KIAA1217: variants seen among roughly 807,000 people sequenced by gnomAD.
The protein encoded by KIAA1217 is KIAA1217.
KIAA1217 carries 88 observed loss-of-function variants against 163.9 expected under a neutral mutation model. The observed-to-expected ratio is 0.54, with a 90% CI of 0.45 to 0.64. The LOEUF (loss-of-function observed/expected upper bound fraction) is 0.64. Ranked by LOEUF, KIAA1217 falls within the 30% of genes least tolerant of loss-of-function variation. The probability of loss-of-function intolerance (pLI) is 0.00; values close to 1 mark genes in which losing one functional copy is unlikely to be tolerated. For synonymous variants in KIAA1217, 903 were observed against 923.1 expected (o/e 0.98, Z 0.39); for missense variants, 2,372 against 2,475.0 (o/e 0.96, Z 0.88).
At chr10:24,101,363 TTTAAATAA>T (rs1164649357) in intron 2 of KIAA1217, among the ~76,000 whole-genome samples, 1 of 152,022 alleles carries the variant, frequency 6.6e-6, no homozygotes, top group East Asian at 1.9e-4. Flanking sequence ...GTCTAAGACA[TTTAAATAA>T]TGTAAAAAAA....
At chr10:23,707,521 G>A (rs1349318238) in intron 1 of KIAA1217, among the ~76,000 whole-genome samples, 1 of 152,256 alleles carries the variant, frequency 6.6e-6, no homozygotes, top group East Asian at 1.9e-4. Context: ...ACACTTATAA[G>A]TGGGAGCGAA....
intron 2 of KIAA1217, among the ~76,000 whole-genome samples, chr10:24,301,276 T>C (rs1191205724): frequency 6.6e-6 from 1 of 152,178 alleles, no homozygotes. Context: ...CATTTCATTA[T>C]GCCATAAATA....
At chr10:23,750,533 T>C (rs963134470) in intron 1 of KIAA1217, among the ~76,000 whole-genome samples, 14 of 152,204 alleles carry the variant, frequency 9.2e-5, no homozygotes, top group African/African-American at 2.9e-4. Flanking sequence ...TGTTCTCACA[T>C]GCACAGTCCT....
chr10:23,895,786 T>A (rs1471590196), intron 1 of KIAA1217, among the ~76,000 whole-genome samples: 1 of 151,862 alleles, frequency 6.6e-6, no homozygotes, highest in Admixed American at 6.6e-5. Flanking sequence ...ATGTGGCACA[T>A]ATACACCATG....
chr10:24,527,255 T>C (rs75971782), intron 13 of KIAA1217, among the ~76,000 whole-genome samples: 8,437 of 151,730 alleles, frequency 0.056, 323 homozygotes, highest in Middle Eastern at 0.13. Flanking sequence ...CTTAGTGTTG[T>C]GGGTTTTGTT....
At chr10:24,372,578 A>G (rs59018188) in intron 2 of KIAA1217, among the ~76,000 whole-genome samples, 2 of 152,158 alleles carry the variant, frequency 1.3e-5, no homozygotes, top group Admixed American at 6.5e-5. Context: ...TGTACCCCAG[A>G]CCTCAGCATT....
At chr10:24,417,713 G>A (rs1408934425) in intron 3 of KIAA1217, among the ~76,000 whole-genome samples, 2 of 152,086 alleles carry the variant, frequency 1.3e-5, no homozygotes, top group Admixed American at 1.3e-4. Context: ...GGTACCCAAG[G>A]ATAAGGCTTT....
intron 2 of KIAA1217, among the ~76,000 whole-genome samples, chr10:24,048,857 C>G (rs1198452441): frequency 6.6e-6 from 1 of 151,622 alleles, no homozygotes; most frequent in Non-Finnish European, 1.5e-5. Context: ...ATGGTGAAAC[C>G]CCATCTCTAC....
rs543553423 is a variant in KIAA1217, at chr10:23,782,496, G to A, written c.-321+87262G>A. Reference sequence around the variant, plus strand: ...ACCCAGGCTGGAGGTGCAGTGGTGCGATCTCAGCTCACTGCAACCTCTGCC... The same window carrying A: ...ACCCAGGCTGGAGGTGCAGTGGTGCAATCTCAGCTCACTGCAACCTCTGCC... On this transcript the variant is annotated intron_variant, in intron 1 of 18. Coordinates refer to the KIAA1217 transcript ENST00000376462. Among the ~76,000 whole-genome samples the A allele has an allele frequency of 1.5e-4, 23 of 152,182 alleles. No individual in the cohort carries two copies. The East Asian group carries it at 3.7e-3, about 24-fold the overall frequency.
chr10:24,481,534 T>C (rs1051756779), intron 6 of KIAA1217: 2 of 152,148 alleles, frequency 1.3e-5, no homozygotes, highest in African/African-American at 4.8e-5. Context: ...AAAGTCCAGC[T>C]TGGAAGTCAG....
chr10:24,512,736 T>C (rs917784919), intron 9 of KIAA1217, among the ~76,000 whole-genome samples: 11 of 152,332 alleles, frequency 7.2e-5, no homozygotes, highest in African/African-American at 1.9e-4. Flanking sequence ...ACTGACGTAT[T>C]TCATAGCCAA....
chr10:24,310,634 A>G (rs2042578794), intron 2 of KIAA1217, among the ~76,000 whole-genome samples: 1 of 152,188 alleles, frequency 6.6e-6, no homozygotes, highest in African/African-American at 2.4e-5. Context: ...GTGGAGTTCC[A>G]TGGAGTTCAG....
chr10:23,915,551 T>C (rs1346665801), intron 1 of KIAA1217, among the ~76,000 whole-genome samples: 1 of 152,158 alleles, frequency 6.6e-6, no homozygotes, highest in Non-Finnish European at 1.5e-5. Flanking sequence ...TTTGGGCTGA[T>C]ACACCAAGGT....
chr10:23,754,812 A>G (rs763080307), intron 1 of KIAA1217, among the ~76,000 whole-genome samples: 29 of 150,720 alleles, frequency 1.9e-4, no homozygotes, highest in African/African-American at 7.1e-4. Flanking sequence ...GAAGGAGCTG[A>G]TAGGGCCGTT....
upstream of KIAA1217, among the ~76,000 whole-genome samples, chr10:24,205,923 G>A (rs535262088): frequency 3.9e-4 from 59 of 152,272 alleles, no homozygotes; most frequent in African/African-American, 1.3e-3. Context: ...TGCCATTTAC[G>A]TTGCGTTATC....
Position 24,473,820 on chromosome 10 carries a change from A to G in KIAA1217, c.1439A>G (p.Asp480Gly). 6.2e-7 allele frequency: 1 copy of G among 1,614,134 alleles called. No homozygotes were observed. Among genetic ancestry groups the G allele is most frequent in the African/African-American group, 1.3e-5 (1 of 75,038 alleles). The change falls in exon 6 of 21, where the codon GAC (aspartate) becomes GGC (glycine). Residue 480 changes from aspartate to glycine, a missense_variant. Transcript: ENST00000376454. ...CCTGCCTCTCCTCACAGAGTCAGTG[A>G]CCTGAGGATGATAGACATGCACGCT... ...TPPASPHRVSDLRMIDMHAHY... is the reference protein window; with the variant it reads ...TPPASPHRVSGLRMIDMHAHY...
chr10:24,095,452 A>G (rs1243372864), intron 2 of KIAA1217, among the ~76,000 whole-genome samples: 1 of 152,108 alleles, frequency 6.6e-6, no homozygotes, highest in African/African-American at 2.4e-5. Context: ...TACTGCATCC[A>G]ATACTGTGAC....
intron 2 of KIAA1217, among the ~76,000 whole-genome samples, chr10:24,146,053 C>T (rs541353786): frequency 3.3e-5 from 5 of 152,324 alleles, no homozygotes; most frequent in South Asian, 2.1e-4. Flanking sequence ...TTAACCATCA[C>T]GCTGAGTAAC....
At chr10:24,084,953 G>T (rs111836168) in intron 2 of KIAA1217, among the ~76,000 whole-genome samples, 3,595 of 134,630 alleles carry the variant, frequency 0.027, 84 homozygotes, top group Non-Finnish European at 0.037. Context: ...TCGCTCTGTC[G>T]CCCAGGCTGG....
Sources: allele counts gnomAD v4.1 joint callset (sites outside exome capture counted in the v4.1 genomes callset), GRCh38; gene constraint gnomAD v4.1.1; transcripts MANE v1.5; gene names NCBI Gene and HGNC (gene_info 2026-07-23, HGNC 2026-07-21).